Variants in HHIP observed in about 807,000 individuals in gnomAD.
HHIP encodes the protein hedgehog-interacting protein.
In HHIP, 12 loss-of-function variants were observed where a neutral mutation model predicts 74.0. The observed-to-expected ratio is 0.16, with a 90% confidence interval of 0.10 to 0.26. The LOEUF is 0.26. Among genes scored for constraint, HHIP ranks in the 10% least tolerant of loss-of-function variants. HHIP has a pLI of 1.00. For missense variants in HHIP, 788 were observed against 845.0 expected (o/e 0.93, Z 0.84); for synonymous variants, 309 against 311.6 (o/e 0.99, Z 0.09).
chr4:144,689,082 C>T (rs997951438), intron 4 of HHIP, among the ~76,000 whole-genome samples: 1 of 152,184 alleles, frequency 6.6e-6, no homozygotes, highest in African/African-American at 2.4e-5. Flanking sequence ...TTAGGTCATA[C>T]AATTCTTTCA....
At chr4:144,662,047 T>C (rs1287855349) in intron 4 of HHIP, among the ~76,000 whole-genome samples, 9 of 152,200 alleles carry the variant, frequency 5.9e-5, no homozygotes, top group Non-Finnish European at 8.8e-5. Context: ...ATTACATTAA[T>C]TGATGACTAA....
chr4:144,674,486 C>T (rs1331823266), intron 4 of HHIP, among the ~76,000 whole-genome samples: 2 of 151,792 alleles, frequency 1.3e-5, no homozygotes, highest in Non-Finnish European at 2.9e-5. Flanking sequence ...TGCATTTTTC[C>T]TCCACTGTGA....
intron 4 of HHIP, among the ~76,000 whole-genome samples, chr4:144,682,936 T>C (rs1482525902): frequency 6.6e-6 from 1 of 152,216 alleles, no homozygotes; most frequent in African/African-American, 2.4e-5. Context: ...AATGCAGATT[T>C]TGATAAAACA....
intron 4 of HHIP, among the ~76,000 whole-genome samples, chr4:144,679,448 T>C (rs1729273129): frequency 6.6e-6 from 1 of 152,240 alleles, no homozygotes; most frequent in Admixed American, 6.5e-5. Context: ...CATGAAGTCT[T>C]TGCCCATGCC....
Position 144,743,045 on chromosome 4 carries a change from T to C in HHIP, c.*5088T>C, listed in dbSNP as rs1305165312. ...ATAATATATATCTTATATATATATA[T>C]ATCTTAATACATATATATAACCATG... is the stretch of plus-strand genomic sequence containing the variant. On this transcript the variant is annotated 3_prime_UTR_variant, in exon 13 of 13. Coordinates refer to ENST00000296575, the MANE Select transcript of HHIP (RefSeq NM_022475.3). The C allele has an allele frequency of 2.9e-5, 4 of 138,360 alleles. No homozygotes were observed. The highest frequency in any genetic ancestry group is 5.3e-5 in the African/African-American group (2 of 37,436). The allele number at this position is 138,360 out of a possible 1,614,324, so 8.6% of individuals were successfully genotyped here. A position where few individuals can be genotyped will look rare whatever the true frequency, so the allele number is the denominator to read the frequency against.
At chr4:144,704,780 C>T (rs543390630) in intron 4 of HHIP, among the ~76,000 whole-genome samples, 1 of 152,296 alleles carries the variant, frequency 6.6e-6, no homozygotes, top group South Asian at 2.1e-4. Flanking sequence ...CACCCTCGGG[C>T]CTCGTTAGAC....
intron 9 of HHIP, 182 bp from the exon 10 acceptor site, chr4:144,715,118 T>G: frequency 5.8e-6 from 3 of 513,828 alleles, no homozygotes; most frequent in Non-Finnish European, 1.0e-5. Context: ...CTTTAAGTAC[T>G]TTCTCCGCAT....
chr4:144,729,997 A>G (rs1224468247), intron 11 of HHIP, among the ~76,000 whole-genome samples: 2 of 152,200 alleles, frequency 1.3e-5, no homozygotes, highest in African/African-American at 4.8e-5. Flanking sequence ...ACCTCCGCAC[A>G]GAATCAAAGG....
chr4:144,708,878 T>C (rs1159263069), intron 7 of HHIP, among the ~76,000 whole-genome samples: 2 of 152,190 alleles, frequency 1.3e-5, no homozygotes, highest in Non-Finnish European at 2.9e-5. Flanking sequence ...ATATTAACTT[T>C]TATTTCACTT....
chr4:144,703,237 T>G (rs1730041147), intron 4 of HHIP, among the ~76,000 whole-genome samples: 1 of 151,750 alleles, frequency 6.6e-6, no homozygotes, highest in Admixed American at 6.6e-5. Flanking sequence ...GGGATAATGT[T>G]AGAAATCAGT....
rs1317244061 is a variant in HHIP at position 144,646,924 on chromosome 4, C to G, written c.249C>G (p.Asp83Glu). ...GGCTGTCCTGCTGCCTGCGGAGTGA[C>G]AGCCCGGGGCTAGGGCGCCTGGAGA... Reference protein sequence around the residue: ...YPRLSCCLRSDSPGLGRLENK... With the variant: ...YPRLSCCLRSESPGLGRLENK... Residue 83 changes from aspartate to glutamate, a missense_variant, in exon 1 of 13, where the codon GAC becomes GAG. Around this residue, in one of 3 missense-constraint regions of HHIP, gnomAD observed 373 missense variants for 366.4 expected, o/e 1.02. Transcript: ENST00000296575. 6.2e-7 allele frequency: 1 copy of G among 1,612,704 alleles called. No homozygotes were observed. Among genetic ancestry groups the G allele is most frequent in the Non-Finnish European group, 8.5e-7 (1 of 1,179,076 alleles).
chr4:144,673,392 T>C (rs1205429539), intron 4 of HHIP, among the ~76,000 whole-genome samples: 2 of 152,204 alleles, frequency 1.3e-5, no homozygotes, highest in Admixed American at 6.5e-5. Flanking sequence ...TGGTGAAAGG[T>C]TGTAAATTAC....
intron 4 of HHIP, among the ~76,000 whole-genome samples, chr4:144,704,490 T>C (rs532746817): frequency 6.6e-6 from 1 of 152,250 alleles, no homozygotes; most frequent in South Asian, 2.1e-4. Flanking sequence ...CTATCACTTG[T>C]GGATTTGTTT....
At chr4:144,732,633 C>T (rs961189139) in intron 11 of HHIP, among the ~76,000 whole-genome samples, 26 of 152,102 alleles carry the variant, frequency 1.7e-4, no homozygotes, top group African/African-American at 5.8e-4. Context: ...TACTTTGCCT[C>T]GAACAGGCAA....
At chr4:144,711,422 A>G (rs982413288) in intron 7 of HHIP, among the ~76,000 whole-genome samples, 3 of 152,088 alleles carry the variant, frequency 2.0e-5, no homozygotes, top group African/African-American at 7.2e-5. Context: ...TGCTGCACCT[A>G]TCAACCCGTC....
chr4:144,699,367 G>T (rs1729914025), intron 4 of HHIP, among the ~76,000 whole-genome samples: 1 of 152,144 alleles, frequency 6.6e-6, no homozygotes, highest in South Asian at 2.1e-4. Flanking sequence ...TTGGAAGGGG[G>T]TGCTGTACAG....
chr4:144,703,296 A>G (rs1230280124), intron 4 of HHIP, among the ~76,000 whole-genome samples: 1 of 151,864 alleles, frequency 6.6e-6, no homozygotes, highest in African/African-American at 2.4e-5. Context: ...TCCATTTGCC[A>G]TTCTATTAAT....
At chr4:144,652,495 T>G in intron 1 of HHIP, 110 bp from the exon 2 acceptor site, 1 of 677,050 alleles carries the variant, frequency 1.5e-6, no homozygotes, top group Non-Finnish European at 2.6e-6. Context: ...TCAAAAAACT[T>G]CATTGGCTAA....
At chr4:144,684,866 G>T (rs1729445879) in intron 4 of HHIP, among the ~76,000 whole-genome samples, 1 of 152,028 alleles carries the variant, frequency 6.6e-6, no homozygotes, top group Non-Finnish European at 1.5e-5. Flanking sequence ...ACCACTAATT[G>T]GTCTGCCTGG....
Sources: gnomAD v4.1 joint callset for allele counts (sites outside exome capture counted in the v4.1 genomes callset) on GRCh38, gnomAD v4.1.1 for gene constraint, gnomAD v4.1.1 regional missense constraint, MANE v1.5 for transcripts, NCBI Gene and HGNC (gene_info 2026-07-23, HGNC 2026-07-21) for gene names.